Variants in AMOTL1 observed in about 807,000 individuals in gnomAD.
AMOTL1 encodes the protein angiomotin like 1, also known as angiomotin-like protein 1.
In AMOTL1, 45 loss-of-function variants were observed where a neutral mutation model predicts 102.9. That is an observed-to-expected ratio of 0.44 (90% CI 0.34 to 0.56). The LOEUF (loss-of-function observed/expected upper bound fraction) is 0.56. Ranked by LOEUF, AMOTL1 falls within the 20% of genes least tolerant of loss-of-function variation. The pLI, the probability that AMOTL1 is intolerant of heterozygous loss-of-function variation, is 0.01. For synonymous variants in AMOTL1, 481 were observed against 484.7 expected (o/e 0.99, Z 0.10); for missense variants, 1,114 against 1,225.6 (o/e 0.91, Z 1.36).
intron 7 of AMOTL1, among the ~76,000 whole-genome samples, chr11:94,851,869 A>T (rs1018621926): frequency 2.6e-5 from 4 of 152,232 alleles, no homozygotes; most frequent in Non-Finnish European, 5.9e-5. Context: ...ACAAAGGTGA[A>T]GGAGACAGAT....
chr11:94,827,899 C>T (rs1412995578), intron 4 of AMOTL1, among the ~76,000 whole-genome samples: 1 of 152,158 alleles, frequency 6.6e-6, no homozygotes, highest in East Asian at 1.9e-4. Flanking sequence ...TTCAGTTTTT[C>T]CCTGGTGCCC....
intron 3 of AMOTL1, among the ~76,000 whole-genome samples, chr11:94,746,907 T>G (rs542259578): frequency 2.0e-5 from 3 of 152,210 alleles, no homozygotes; most frequent in African/African-American, 7.2e-5. Context: ...CAAGTTAATC[T>G]TCAGTAAATA....
intron 6 of AMOTL1, among the ~76,000 whole-genome samples, chr11:94,845,152 A>T (rs1952382987): frequency 6.6e-6 from 1 of 152,202 alleles, no homozygotes; most frequent in South Asian, 2.1e-4. Flanking sequence ...CGTCTGTCCC[A>T]TGGATCAGCT....
At chr11:94,819,330 T>G (rs1951821807) in intron 3 of AMOTL1, among the ~76,000 whole-genome samples, 1 of 152,154 alleles carries the variant, frequency 6.6e-6, no homozygotes, top group African/African-American at 2.4e-5. Context: ...GCCACATACC[T>G]GCCTCACAAT....
rs567189286 is a variant in AMOTL1, at chr11:94,839,852, G to A, written c.1648+8311G>A. On this transcript the variant is annotated intron_variant, in intron 6 of 12. Transcript: ENST00000433060. ...TTTATACTAGAAAATTTTTATACTA[G>A]AAGTCTTAATTGGTTGCTAATTATT... 3.9e-5 allele frequency among the ~76,000 whole-genome samples: 6 copies of A among 152,284 alleles called. No individual in the cohort carries two copies. The South Asian group carries it at 1.2e-3, about 32-fold the overall frequency.
chr11:94,759,565 T>C (rs979229643), intron 3 of AMOTL1, among the ~76,000 whole-genome samples: 2 of 79,570 alleles, frequency 2.5e-5, no homozygotes, highest in African/African-American at 4.6e-5. Context: ...TTTCATCTTT[T>C]AGGTGCAAAA....
At chr11:94,717,061 G>C (rs577975011) in intron 1 of AMOTL1, among the ~76,000 whole-genome samples, 13 of 152,062 alleles carry the variant, frequency 8.5e-5, no homozygotes. Context: ...GGGGTTGTAA[G>C]CCTCCCTGGT....
intron 1 of AMOTL1, among the ~76,000 whole-genome samples, chr11:94,786,136 C>A (rs1368880750): frequency 1.3e-5 from 2 of 152,092 alleles, no homozygotes; most frequent in Admixed American, 1.3e-4. Context: ...CAGGTACTTT[C>A]AGTCTTTTTG....
At chr11:94,770,604 C>G (rs1397092367) in intron 1 of AMOTL1, among the ~76,000 whole-genome samples, 1 of 152,094 alleles carries the variant, frequency 6.6e-6, no homozygotes, top group Admixed American at 6.6e-5. Flanking sequence ...CTTTCCCTCC[C>G]CCTTCTTTTT....
chr11:94,781,900 T>A (rs1043433815), intron 1 of AMOTL1, among the ~76,000 whole-genome samples: 1 of 151,886 alleles, frequency 6.6e-6, no homozygotes, highest in African/African-American at 2.4e-5. Context: ...ACTCTCACCA[T>A]GAATCAAGAC....
intron 5 of AMOTL1, 86 bp downstream of exon 5, chr11:94,830,280 G>T (rs1041054227): frequency 7.7e-7 from 1 of 1,302,130 alleles, no homozygotes; most frequent in Non-Finnish European, 1.0e-6. Context: ...AGAGTGCTTT[G>T]CCACAGGTAC....
At chr11:94,841,734 G>T (rs1490668784) in intron 6 of AMOTL1, among the ~76,000 whole-genome samples, 1 of 152,186 alleles carries the variant, frequency 6.6e-6, no homozygotes, top group African/African-American at 2.4e-5. Flanking sequence ...CTGGATGAAT[G>T]GGTGTCTCCT....
At chr11:94,777,815 T>G (rs1210036855) in intron 1 of AMOTL1, among the ~76,000 whole-genome samples, 1 of 152,220 alleles carries the variant, frequency 6.6e-6, no homozygotes, top group Non-Finnish European at 1.5e-5. Flanking sequence ...ACAGAATCAC[T>G]CACTCCTTAA....
chr11:94,775,512 C>G (rs1409227810), intron 1 of AMOTL1, among the ~76,000 whole-genome samples: 1 of 151,882 alleles, frequency 6.6e-6, no homozygotes, highest in Non-Finnish European at 1.5e-5. Context: ...CAGTTTAGGA[C>G]AGATGTGATC....
upstream of AMOTL1, among the ~76,000 whole-genome samples, chr11:94,766,040 A>G (rs762779752): frequency 2.7e-4 from 41 of 152,192 alleles, no homozygotes; most frequent in Non-Finnish European, 5.4e-4. Context: ...TATTCTTCCT[A>G]TGACTGGGCT....
At chr11:94,771,413 C>T (rs937831887) in intron 1 of AMOTL1, among the ~76,000 whole-genome samples, 4 of 151,946 alleles carry the variant, frequency 2.6e-5, no homozygotes, top group South Asian at 2.1e-4. Flanking sequence ...ATAAAATCCT[C>T]GAAAAGCAAG....
chr11:94,804,090 A>G (rs1333579770), intron 3 of AMOTL1, among the ~76,000 whole-genome samples: 1 of 152,230 alleles, frequency 6.6e-6, no homozygotes, highest in Admixed American at 6.5e-5. Flanking sequence ...ATCATCATGC[A>G]TATCAAATTA....
At chr11:94,793,537 G>A (rs910124457) in intron 1 of AMOTL1, among the ~76,000 whole-genome samples, 1 of 152,210 alleles carries the variant, frequency 6.6e-6, no homozygotes, top group South Asian at 2.1e-4. Flanking sequence ...ATTGCACCTT[G>A]TACCTTTTTC....
intron 4 of AMOTL1, among the ~76,000 whole-genome samples, chr11:94,828,610 CT>C (rs1439722034): frequency 6.6e-6 from 1 of 152,204 alleles, no homozygotes; most frequent in African/African-American, 2.4e-5. Context: ...CAACTTAAGA[CT>C]CCTAGCTCCT....
Sources: allele counts gnomAD v4.1 joint callset (sites outside exome capture counted in the v4.1 genomes callset), GRCh38; gene constraint gnomAD v4.1.1; transcripts MANE v1.5; gene names NCBI Gene and HGNC (gene_info 2026-07-23, HGNC 2026-07-21).